Variants in GRID1 observed in about 807,000 individuals in gnomAD.
The protein encoded by GRID1 is glutamate ionotropic receptor delta type subunit 1, also known as glutamate receptor ionotropic, delta-1.
A neutral mutation model predicts 98.0 loss-of-function variants in GRID1; 28 were observed. The ratio of observed to expected loss-of-function variants is 0.29; its 90% CI spans 0.21 to 0.39. The LOEUF (loss-of-function observed/expected upper bound fraction) is 0.39, where lower values mean the gene tolerates loss of function less well. GRID1 is among the 10% of genes least tolerant of loss of function. The pLI, the probability that GRID1 is intolerant of heterozygous loss-of-function variation, is 1.00. For synonymous variants in GRID1, 553 were observed against 538.5 expected (o/e 1.03, Z -0.37); for missense variants, 1,111 against 1,340.5 (o/e 0.83, Z 2.67).
chr10:85,829,546 A>G (rs1842849523), intron 8 of GRID1, among the ~76,000 whole-genome samples: 4 of 152,198 alleles, frequency 2.6e-5, no homozygotes, highest in South Asian at 4.1e-4. Context: ...CTATACCTAG[A>G]AAACCCCATA....
At chr10:86,111,899 G>A (rs917278042) in intron 4 of GRID1, among the ~76,000 whole-genome samples, 1 of 152,190 alleles carries the variant, frequency 6.6e-6, no homozygotes, top group African/African-American at 2.4e-5. Context: ...CATGGTCTGG[G>A]AATACTACAG....
At chr10:86,302,577 A>G (rs943118347) in intron 2 of GRID1, among the ~76,000 whole-genome samples, 2 of 152,116 alleles carry the variant, frequency 1.3e-5, no homozygotes, top group African/African-American at 2.4e-5. Context: ...CAGCACCCCC[A>G]ATCCTGTATG....
At chr10:85,911,036 A>G (rs1841530276) in intron 5 of GRID1, among the ~76,000 whole-genome samples, 1 of 152,220 alleles carries the variant, frequency 6.6e-6, no homozygotes, top group Non-Finnish European at 1.5e-5. Flanking sequence ...GGGATGACCC[A>G]TGAGATATGA....
chr10:86,212,086 A>C (rs1343431058), intron 2 of GRID1, among the ~76,000 whole-genome samples: 4 of 152,176 alleles, frequency 2.6e-5, no homozygotes, highest in African/African-American at 4.8e-5. Context: ...ATCCATGCCC[A>C]CTATTCTCCA....
chr10:86,351,320 ATGGGATTTC>A (rs1418526400), intron 2 of GRID1, among the ~76,000 whole-genome samples: 1 of 152,242 alleles, frequency 6.6e-6, no homozygotes, highest in Non-Finnish European at 1.5e-5. Flanking sequence ...ACACGGGCTA[ATGGGATTTC>A]TGGGATTCTT....
At chr10:85,828,388 A>T (rs2131758982) in intron 8 of GRID1, among the ~76,000 whole-genome samples, 1 of 131,458 alleles carries the variant, frequency 7.6e-6, no homozygotes, top group East Asian at 2.3e-4. Flanking sequence ...AAATGAGAAA[A>T]GAAAAGAGAT....
chr10:86,260,358 G>A (rs575187507), intron 2 of GRID1, among the ~76,000 whole-genome samples: 2 of 152,320 alleles, frequency 1.3e-5, no homozygotes, highest in South Asian at 4.1e-4. Context: ...GAGAAGTTAG[G>A]TAACTTTCCC....
At chr10:85,663,775 A>C (rs754984138) in intron 12 of GRID1, among the ~76,000 whole-genome samples, 2 of 152,212 alleles carry the variant, frequency 1.3e-5, no homozygotes, top group Non-Finnish European at 2.9e-5. Flanking sequence ...GAAATGTAAG[A>C]ATAAATGAGT....
intron 14 of GRID1, among the ~76,000 whole-genome samples, chr10:85,619,039 G>T (rs1396910780): frequency 6.6e-6 from 1 of 152,184 alleles, no homozygotes; most frequent in African/African-American, 2.4e-5. Context: ...TTTGGATTTG[G>T]GTGGACTCTG....
rs1291467569 is a variant in GRID1 at position 85,601,532 on chromosome 10, A to T, written c.*741T>A. On this transcript the variant is annotated 3_prime_UTR_variant, in exon 16 of 16. Coordinates refer to ENST00000327946, the MANE Select transcript of GRID1 (RefSeq NM_017551.3). The stretch of plus-strand genomic sequence containing the variant: ...AAAGAAAATGAAAAACAAGGCCAAC[A>T]GTATGATATGAGAACAGCTCAGTAT... The T allele has an allele frequency of 1.3e-5, 2 of 152,256 alleles. No homozygotes were observed. The highest frequency in any genetic ancestry group is 1.5e-5 in the Non-Finnish European group (1 of 68,054). 9.4% of individuals were successfully genotyped at this position (152,256 alleles called of 1,614,324 possible). A position where few individuals can be genotyped will look rare whatever the true frequency, so the allele number is the denominator to read the frequency against.
intron 4 of GRID1, among the ~76,000 whole-genome samples, chr10:86,020,669 T>C (rs1480870659): frequency 2.6e-5 from 4 of 152,144 alleles, no homozygotes; most frequent in Non-Finnish European, 5.9e-5. Flanking sequence ...ATTTCTACCA[T>C]TTGCAAAATC....
At chr10:85,940,578 G>A (rs1841986729) in intron 4 of GRID1, among the ~76,000 whole-genome samples, 2 of 152,176 alleles carry the variant, frequency 1.3e-5, no homozygotes, top group Admixed American at 6.5e-5. Context: ...TATATCTATG[G>A]AATGATTTAT....
intron 13 of GRID1, among the ~76,000 whole-genome samples, chr10:85,634,998 G>GGAA (rs1843019122): frequency 5.7e-5 from 2 of 35,008 alleles, no homozygotes; most frequent in Non-Finnish European, 1.1e-4. Flanking sequence ...GAGGAAATCT[G>GGAA]AAAAAAAAAA....
intron 12 of GRID1, among the ~76,000 whole-genome samples, chr10:85,702,662 G>A (rs935305692): frequency 6.6e-6 from 1 of 151,810 alleles, no homozygotes; most frequent in Non-Finnish European, 1.5e-5. Flanking sequence ...AACTACAAAG[G>A]AGAAAGCACA....
In GRID1 at chr10:85,600,249, T is replaced by C. The variant is rs1455272337; in HGVS notation, c.*2024A>G. The C allele has an allele frequency of 6.6e-6, 1 of 152,280 alleles. No homozygotes were observed. Among genetic ancestry groups the C allele is most frequent in the Non-Finnish European group, 1.5e-5 (1 of 68,044 alleles). 9.4% of individuals were successfully genotyped at this position (152,280 alleles called of 1,614,324 possible). A position where few individuals can be genotyped will look rare whatever the true frequency, so the allele number is the denominator to read the frequency against. Reference sequence around the variant, plus strand: ...CCACCTAGGCTTCTCTGAGCATGCCTGGCTCCAAGGTCCACATGCTCTGAT... The same window carrying C: ...CCACCTAGGCTTCTCTGAGCATGCCCGGCTCCAAGGTCCACATGCTCTGAT... On this transcript the variant is annotated 3_prime_UTR_variant, in exon 16 of 16. Transcript: ENST00000327946.
At chr10:85,992,787 A>T (rs973961979) in intron 4 of GRID1, among the ~76,000 whole-genome samples, 11 of 151,666 alleles carry the variant, frequency 7.3e-5, no homozygotes, top group African/African-American at 2.4e-4. Flanking sequence ...CTGTCTCTAA[A>T]AATAATAATA....
chr10:85,956,496 G>A (rs1469217406), intron 4 of GRID1, among the ~76,000 whole-genome samples: 1 of 152,174 alleles, frequency 6.6e-6, no homozygotes, highest in Admixed American at 6.5e-5. Context: ...TAAAATAGAT[G>A]CTCAGGATTT....
intron 6 of GRID1, among the ~76,000 whole-genome samples, chr10:85,857,976 G>A (rs71471179): frequency 0.056 from 8,528 of 152,292 alleles, 319 homozygotes; most frequent in Non-Finnish European, 0.081. Flanking sequence ...AACTGAAGCT[G>A]AAGTCTGAGA....
intron 5 of GRID1, among the ~76,000 whole-genome samples, chr10:85,906,377 G>T (rs893144305): frequency 6.6e-5 from 10 of 152,064 alleles, no homozygotes; most frequent in African/African-American, 2.4e-4. Flanking sequence ...GGATACAGAA[G>T]GCGCAATCAA....
Sources: allele counts gnomAD v4.1 joint callset (sites outside exome capture counted in the v4.1 genomes callset), GRCh38; gene constraint gnomAD v4.1.1; transcripts MANE v1.5; gene names NCBI Gene and HGNC (gene_info 2026-07-23, HGNC 2026-07-21).